Variants in DNAH2 observed in about 807,000 individuals in gnomAD.
The protein encoded by DNAH2 is axonemal beta dynein heavy chain 2.
A neutral mutation model predicts 523.5 loss-of-function variants in DNAH2; 323 were observed. The ratio of observed to expected loss-of-function variants is 0.62; its 90% CI spans 0.56 to 0.68. The LOEUF (loss-of-function observed/expected upper bound fraction) is 0.68. Among genes scored for constraint, DNAH2 ranks in the 30% least tolerant of loss-of-function variants. The probability of loss-of-function intolerance (pLI) is 0.00; values close to 1 mark genes in which losing one functional copy is unlikely to be tolerated. For synonymous variants in DNAH2, 2,093 were observed against 2,177.4 expected (o/e 0.96, Z 1.08); for missense variants, 4,907 against 5,701.5 (o/e 0.86, Z 4.49).
At chr17:7,753,086 C>T (rs1249498892) in intron 12 of DNAH2, among the ~76,000 whole-genome samples, 2 of 152,190 alleles carry the variant, frequency 1.3e-5, no homozygotes, top group Non-Finnish European at 2.9e-5. Flanking sequence ...CCACACTTGC[C>T]TTGGAGGTAG....
At chr17:7,795,607 G>A (rs2077038608) in intron 49 of DNAH2, among the ~76,000 whole-genome samples, 2 of 150,774 alleles carry the variant, frequency 1.3e-5, no homozygotes, top group South Asian at 4.2e-4. Flanking sequence ...CCAGGAGGTC[G>A]AGCCTGCAGT....
At chr17:7,817,885 C>G in intron 67 of DNAH2, 29 bp downstream of exon 67, 1 of 1,613,974 alleles carries the variant, frequency 6.2e-7, no homozygotes, top group South Asian at 1.1e-5. Context: ...AGGTTAGCCC[C>G]CCCCTTCCTG....
chr17:7,802,897 T>TC (rs1423570907), intron 58 of DNAH2, among the ~76,000 whole-genome samples: 1 of 151,676 alleles, frequency 6.6e-6, no homozygotes, highest in African/African-American at 2.4e-5. Flanking sequence ...GTTCTTGAAC[T>TC]CCTGACCTCA....
rs777716883 is a variant in DNAH2, at chr17:7,788,192, G to A, written c.6848G>A (p.Gly2283Asp). Residue 2283 changes from glycine (G) to aspartate (D), a missense_variant, in exon 44 of 86, where the codon GGT (glycine) becomes GAT (aspartate). Physicochemically the swap from Gly to Asp is moderately conservative, Grantham distance 94. This residue lies in a region of DNAH2 where 2,806 missense variants were observed against 3,190.8 expected (regional missense o/e 0.88). Coordinates refer to ENST00000572933, the MANE Select transcript of DNAH2 (RefSeq NM_020877.5). ...CTGGTGCCCCTGCCCGAGTACAGCGGTATCACCTCCCTCTGCAAGCTGTAC... is the reference window on the plus strand; with the variant it reads ...CTGGTGCCCCTGCCCGAGTACAGCGATATCACCTCCCTCTGCAAGCTGTAC... ...KELVPLPEYS[G>D]ITSLCKLYSA... is the part of the protein sequence containing the mutation. 6 of 1,611,272 alleles carry A rather than the reference G, an allele frequency of 3.7e-6. No individual in the cohort carries two copies. The highest frequency in any genetic ancestry group is 5.1e-6 in the Non-Finnish European group (6 of 1,178,690).
At chr17:7,758,133 A>G (rs185905987) in intron 13 of DNAH2, among the ~76,000 whole-genome samples, 1 of 152,320 alleles carries the variant, frequency 6.6e-6, no homozygotes, top group African/African-American at 2.4e-5. Flanking sequence ...GCATGTGGCT[A>G]TTTCCATGTA....
chr17:7,791,661 C>A (rs2076900326), intron 44 of DNAH2, among the ~76,000 whole-genome samples: 1 of 152,184 alleles, frequency 6.6e-6, no homozygotes, highest in Non-Finnish European at 1.5e-5. Context: ...CCTGTTGTGG[C>A]CAGATGATGG....
chr17:7,740,513 T>C lies in DNAH2; in HGVS notation c.1470T>C (p.Leu490=), dbSNP rs142412053. ...ELVRDVPHGV[L]LLDTFHRLAS... The stretch of plus-strand genomic sequence containing the variant: ...TGCGGGACGTGCCGCACGGCGTGCT[T>C]CTGCTGGACACCTTCCACAGGCTTG... The change falls in exon 10 of 86, where the codon CTT becomes CTC. Residue 490 remains leucine (L), a synonymous_variant. Transcript: ENST00000572933. 384 of 1,614,128 alleles carry C rather than the reference T, an allele frequency of 2.4e-4. 1 individual carries two copies. The African/African-American group carries it at 3.1e-3, about 13-fold the overall frequency.
chr17:7,750,073 A>G (rs1480527636), intron 12 of DNAH2, among the ~76,000 whole-genome samples: 1 of 152,114 alleles, frequency 6.6e-6, no homozygotes, highest in Non-Finnish European at 1.5e-5. Flanking sequence ...TCTGTTGCCC[A>G]GGATCTCTGC....
chr17:7,762,283 G>T (rs1363667848), intron 18 of DNAH2, among the ~76,000 whole-genome samples: 1 of 152,030 alleles, frequency 6.6e-6, no homozygotes, highest in African/African-American at 2.4e-5. Flanking sequence ...TTTCCAGCTG[G>T]GGATTTTAGG....
chr17:7,830,150 T>TG, intron 77 of DNAH2, 150 bp from the exon 78 acceptor site: 1 of 740,374 alleles, frequency 1.4e-6, no homozygotes, highest in South Asian at 2.2e-5. Context: ...GATCTTGGCA[T>TG]GTAGATCAAC....
intron 12 of DNAH2, among the ~76,000 whole-genome samples, chr17:7,756,097 G>A (rs948774782): frequency 2.0e-5 from 3 of 151,734 alleles, no homozygotes. Context: ...AAAATTAGCT[G>A]GGTGTGGTGG....
At chr17:7,779,755 C>T (rs1285497431) in intron 36 of DNAH2, among the ~76,000 whole-genome samples, 1 of 152,126 alleles carries the variant, frequency 6.6e-6, no homozygotes, top group Non-Finnish European at 1.5e-5. Flanking sequence ...TAGGGTCTCT[C>T]ATTACTGTTT....
chr17:7,775,173 C>T, intron 29 of DNAH2, 68 bp from the exon 30 acceptor site: 2 of 1,511,298 alleles, frequency 1.3e-6, no homozygotes, highest in South Asian at 1.2e-5. Flanking sequence ...CCTCAAAAGG[C>T]CCCAGGACTT....
intron 27 of DNAH2, 150 bp downstream of exon 27, chr17:7,771,083 C>T: frequency 3.0e-6 from 3 of 1,012,890 alleles, no homozygotes; most frequent in South Asian, 1.7e-5. Context: ...TTAGTTATTA[C>T]CTCTCACCTT....
chr17:7,722,263 C>G (rs979017139), intron 2 of DNAH2, among the ~76,000 whole-genome samples: 9 of 152,152 alleles, frequency 5.9e-5, no homozygotes, highest in African/African-American at 2.2e-4. Flanking sequence ...CCTCAGCCTC[C>G]CAAAGTGCTG....
intron 7 of DNAH2, among the ~76,000 whole-genome samples, chr17:7,735,107 A>C (rs571806552): frequency 6.6e-6 from 1 of 152,094 alleles, no homozygotes; most frequent in South Asian, 2.1e-4. Context: ...AAAAGGGATA[A>C]ATACTTTTTT....
At chr17:7,764,075 C>A in intron 19 of DNAH2, 42 bp from the exon 20 acceptor site, 1 of 1,614,202 alleles carries the variant, frequency 6.2e-7, no homozygotes, top group Non-Finnish European at 8.5e-7. Context: ...GGGGCAGGCA[C>A]TGGGCCTTCC....
intron 20 of DNAH2, among the ~76,000 whole-genome samples, 162 bp from the exon 21 acceptor site, chr17:7,765,229 A>C (rs1001728305): frequency 4.0e-5 from 6 of 149,086 alleles, no homozygotes; most frequent in African/African-American, 1.5e-4. Context: ...GAGAGGGCAG[A>C]CCTCCTGCTC....
intron 12 of DNAH2, among the ~76,000 whole-genome samples, chr17:7,748,748 A>G (rs1029422434): frequency 3.3e-5 from 5 of 151,468 alleles, no homozygotes; most frequent in Non-Finnish European, 7.4e-5. Flanking sequence ...CACCCACCTC[A>G]GCCTCCCAAA....
Sources: allele counts gnomAD v4.1 joint callset (sites outside exome capture counted in the v4.1 genomes callset), GRCh38; gene constraint gnomAD v4.1.1; regional missense constraint gnomAD v4.1.1; transcripts MANE v1.5; gene names NCBI Gene and HGNC (gene_info 2026-07-23, HGNC 2026-07-21).